The following RANBP17 variants were observed in gnomAD, a reference collection of about 807,000 sequenced individuals.
The protein encoded by RANBP17 is ran-binding protein 17.
A neutral mutation model predicts 141.2 loss-of-function variants in RANBP17; 158 were observed. The ratio of observed to expected loss-of-function variants is 1.12; its 90% CI spans 0.98 to 1.28. The LOEUF (loss-of-function observed/expected upper bound fraction) is 1.28. Among genes scored for constraint, RANBP17 ranks in the 50% most tolerant of loss-of-function variants. The pLI is 0.00. For missense variants in RANBP17, 1,438 were observed against 1,290.7 expected (o/e 1.11, Z -1.75); for synonymous variants, 430 against 450.0 (o/e 0.96, Z 0.56).
chr5:171,179,461 C>G (rs972939388), intron 16 of RANBP17, among the ~76,000 whole-genome samples: 5 of 152,090 alleles, frequency 3.3e-5, no homozygotes, highest in African/African-American at 1.2e-4. Context: ...CTACTTTGTG[C>G]ATATAACCTA....
intron 14 of RANBP17, among the ~76,000 whole-genome samples, chr5:171,082,571 T>G (rs567897551): frequency 6.6e-6 from 1 of 152,252 alleles, no homozygotes; most frequent in East Asian, 1.9e-4. Context: ...GAGAATGTAG[T>G]AGAAATCAGG....
chr5:171,293,743 G>C, intron 25 of RANBP17, 140 bp from the exon 26 acceptor site: 2 of 656,232 alleles, frequency 3.0e-6, no homozygotes, highest in Non-Finnish European at 5.5e-6. Flanking sequence ...TAAGCTTCCA[G>C]AGTCTAGTCC....
At position 171,092,926 on chromosome 5, in the gene RANBP17, A is replaced by G. The variant is rs117553587; in HGVS notation, c.1711-77204A>G. 9.2e-5 allele frequency among the ~76,000 whole-genome samples: 14 copies of G among 152,290 alleles called. 1 individual carries two copies. The East Asian group carries it at 2.7e-3, about 29-fold the overall frequency. On this transcript the variant is annotated intron_variant, in intron 14 of 27. Transcript: ENST00000523189. ...ATATTTAGTTTGGTTTGTGTTGCAT[A>G]TTATGGAAAGCACTCATCTATATTT... is the stretch of plus-strand genomic sequence containing the variant.
At position 170,892,412 on chromosome 5, in the gene RANBP17, A is replaced by G. The variant is rs1232236568; in HGVS notation, c.282A>G (p.Ala94=). Residue 94 remains alanine (A), a synonymous_variant, in exon 4 of 28, where the codon GCA becomes GCG. Transcript: ENST00000523189. ...DIRNYILNYV[A]SQPKLAPFVI... is the part of the protein sequence containing the mutation. ...GAAACTACATTCTGAATTACGTGGC[A>G]TCACAGCCCAAGCTGGCTCCCTTTG... 6.2e-7 allele frequency: 1 copy of G among 1,611,518 alleles called. No homozygotes were observed. The highest frequency in any genetic ancestry group is 8.5e-7 in the Non-Finnish European group (1 of 1,179,198).
chr5:170,917,177 T>C (rs896415031), intron 9 of RANBP17, among the ~76,000 whole-genome samples: 3 of 152,202 alleles, frequency 2.0e-5, no homozygotes, highest in Non-Finnish European at 4.4e-5. Context: ...TTTCTTTGCT[T>C]GCTCTTAAAC....
chr5:170,953,320 A>T (rs1287620805), intron 12 of RANBP17, among the ~76,000 whole-genome samples: 1 of 152,150 alleles, frequency 6.6e-6, no homozygotes, highest in Non-Finnish European at 1.5e-5. Flanking sequence ...AAACCCTAAG[A>T]CTTAAAGAGA....
intron 14 of RANBP17, among the ~76,000 whole-genome samples, chr5:171,009,579 C>T (rs1281706233): frequency 1.3e-5 from 2 of 152,100 alleles, no homozygotes; most frequent in Non-Finnish European, 1.5e-5. Context: ...AGGTGATCTC[C>T]AAGTTCTTTT....
At chr5:171,051,909 G>A (rs901195950) in intron 14 of RANBP17, among the ~76,000 whole-genome samples, 4 of 151,928 alleles carry the variant, frequency 2.6e-5, no homozygotes, top group Non-Finnish European at 4.4e-5. Context: ...TTTTAGGGTC[G>A]CTTTCTTGTT....
chr5:171,018,436 G>A (rs934462575), intron 14 of RANBP17, among the ~76,000 whole-genome samples: 5 of 152,122 alleles, frequency 3.3e-5, no homozygotes, highest in Non-Finnish European at 7.3e-5. Context: ...ATTTCCTTGA[G>A]CAGTTGTTTG....
intron 6 of RANBP17, chr5:170,910,695 C>T: frequency 2.9e-6 from 1 of 339,196 alleles, no homozygotes; most frequent in South Asian, 4.2e-5. Flanking sequence ...TGGGCATTAT[C>T]TTGGAAATAG....
intron 14 of RANBP17, among the ~76,000 whole-genome samples, chr5:171,108,068 G>A (rs958980097): frequency 1.3e-5 from 2 of 150,610 alleles, no homozygotes; most frequent in East Asian, 2.0e-4. Context: ...GATATTCAAA[G>A]AAGGCTTATT....
intron 14 of RANBP17, among the ~76,000 whole-genome samples, chr5:171,014,295 A>G (rs1210744971): frequency 6.6e-6 from 1 of 151,942 alleles, no homozygotes; most frequent in Non-Finnish European, 1.5e-5. Flanking sequence ...CTACCTTTTA[A>G]TTGAGCTGTA....
At chr5:170,984,798 G>C (rs1015482070) in intron 14 of RANBP17, among the ~76,000 whole-genome samples, 1 of 152,082 alleles carries the variant, frequency 6.6e-6, no homozygotes, top group Admixed American at 6.6e-5. Context: ...GTTACCTGGT[G>C]TGTCACCATT....
At chr5:170,912,109 T>C (rs1771577366) in intron 7 of RANBP17, among the ~76,000 whole-genome samples, 1 of 151,890 alleles carries the variant, frequency 6.6e-6, no homozygotes, top group South Asian at 2.1e-4. Context: ...CAGTATTAAT[T>C]TTGTGAAAAA....
chr5:171,298,119 A>G (rs932829590), intron 27 of RANBP17, among the ~76,000 whole-genome samples: 2 of 152,130 alleles, frequency 1.3e-5, no homozygotes, highest in South Asian at 4.1e-4. Context: ...TGGCCTCACA[A>G]CGTGCTGGAA....
intron 14 of RANBP17, among the ~76,000 whole-genome samples, chr5:171,097,831 C>T (rs1349004423): frequency 3.9e-5 from 6 of 152,042 alleles, no homozygotes; most frequent in Admixed American, 2.0e-4. Flanking sequence ...GTTCCCCTCC[C>T]TGTGTCCATG....
chr5:171,073,406 ACTACT>A lies in RANBP17; in HGVS notation c.1711-96719_1711-96715del, dbSNP rs560883978. Among the ~76,000 whole-genome samples, 25 of 152,192 alleles carry A rather than the reference ACTACT, an allele frequency of 1.6e-4. No homozygotes were observed. The East Asian group carries it at 4.6e-3, about 28-fold the overall frequency. On this transcript the variant is annotated intron_variant, in intron 14 of 27. Coordinates refer to ENST00000523189, the MANE Select transcript of RANBP17 (RefSeq NM_022897.5). ...ACAGGTACAGATTAGCAGTCCTAAA[ACTACT>A]CTACCTCTATTCTAGGAATGAACAA...
chr5:170,968,509 T>G (rs1186565350), intron 14 of RANBP17, 132 bp downstream of exon 14: 1 of 798,990 alleles, frequency 1.3e-6, no homozygotes, highest in East Asian at 2.7e-5. Flanking sequence ...GAATTGGTGA[T>G]GAAGTGCAAT....
chr5:171,171,337 G>T, intron 16 of RANBP17, 51 bp downstream of exon 16: 1 of 994,732 alleles, frequency 1.0e-6, no homozygotes, highest in Non-Finnish European at 1.5e-6. Context: ...CCTAGCAGAT[G>T]CATTTAATTA....
Sources: gnomAD v4.1 joint callset for allele counts (sites outside exome capture counted in the v4.1 genomes callset) on GRCh38, gnomAD v4.1.1 for gene constraint, MANE v1.5 for transcripts, NCBI Gene and HGNC (gene_info 2026-07-23, HGNC 2026-07-21) for gene names.